The following KLHL21 variants were observed in gnomAD, a reference collection of about 807,000 sequenced individuals.
KLHL21 encodes kelch-like protein 21.
A neutral mutation model predicts 44.1 loss-of-function variants in KLHL21; 42 were observed. That is an observed-to-expected ratio of 0.95 (90% CI 0.74 to 1.23). KLHL21 has a LOEUF of 1.23. KLHL21 is among the 50% of genes most tolerant of loss of function. The pLI, the probability that KLHL21 is intolerant of heterozygous loss-of-function variation, is 0.00. For missense variants in KLHL21, 918 were observed against 889.1 expected, an observed-to-expected ratio of 1.03 and a Z score of -0.41; for synonymous variants, 524 against 411.6, an observed-to-expected ratio of 1.27 and a Z score of -3.31.
intron 2 of KLHL21, among the ~76,000 whole-genome samples, 155 bp downstream of exon 2, chr1:6,598,892 A>C (rs1448154470): frequency 6.6e-6 from 1 of 152,240 alleles, no homozygotes; most frequent in Admixed American, 6.5e-5. Flanking sequence ...CAAAAACAAA[A>C]CAAAACAAAA....
chr1:6,602,251 C>T lies in KLHL21; in HGVS notation c.567G>A (p.Gly189=). 1 of 1,545,942 alleles carries T rather than the reference C, an allele frequency of 6.5e-7. No homozygotes were observed. Among genetic ancestry groups the T allele is most frequent in the South Asian group, 1.2e-5 (1 of 84,886 alleles). The change falls in exon 1 of 4, where the codon GGG becomes GGA. Residue 189 remains glycine, a synonymous_variant. Transcript: ENST00000377658. ...CGGCCTCCTCCTTGGGCACACACAGCCCGTCGTCCCGCAGGTAGCGCAGCA... is the reference window on the plus strand; with the variant it reads ...CGGCCTCCTCCTTGGGCACACACAGTCCGTCGTCCCGCAGGTAGCGCAGCA... ...ARLLRYLRDD[G]LCVPKEEAAY...
Position 6,593,548 on chromosome 1 carries a change from A to C in KLHL21, c.1611T>G (p.Thr537=), listed in dbSNP as rs1212114894. Residue 537 remains threonine (T), a synonymous_variant, in exon 4 of 4, where the codon ACT becomes ACG. Coordinates refer to ENST00000377658, the MANE Select transcript of KLHL21 (RefSeq NM_014851.4). ...GCCGCCCCACCACGCTCCACGCGCG[A>C]GTCTCTGGGTCATAGGCCTCTACCA... is the stretch of plus-strand genomic sequence containing the variant. ...SDVVEAYDPE[T]RAWSVVGRLP... The C allele has an allele frequency of 6.2e-7, 1 of 1,613,948 alleles. No homozygotes were observed. The highest frequency in any genetic ancestry group is 1.1e-5 in the South Asian group (1 of 91,088).
Position 6,590,908 on chromosome 1 carries a change from C to T in KLHL21, c.*2457G>A, listed in dbSNP as rs187930689. On this transcript the variant is annotated 3_prime_UTR_variant, in exon 4 of 4. Transcript: ENST00000377658. ...TTTATTACATACGCGTCTCTGAAGT[C>T]ATATAAATATAGAATACCTTATAGT... 7.8e-5 allele frequency: 31 copies of T among 398,552 alleles called. No homozygotes were observed. In the East Asian group the frequency reaches 1.1e-3, roughly 14 times the overall value. 24.7% of individuals were successfully genotyped at this position (398,552 alleles called of 1,614,324 possible).
intron 2 of KLHL21, among the ~76,000 whole-genome samples, chr1:6,598,567 C>CT (rs1640960171): frequency 6.6e-6 from 1 of 151,272 alleles, no homozygotes; most frequent in Non-Finnish European, 1.5e-5. Flanking sequence ...CGAAACTCTT[C>CT]TTTTAAAAAA....
rs1640975716 is a variant in KLHL21, at chr1:6,599,238, C to T, written c.1236G>A (p.Met412Ile). ...GGCACGCAGTGGTGGAGCAGTTGTCCATGGGGTAGGTCATGGGCTGCAGGG... is the reference window on the plus strand; with the variant it reads ...GGCACGCAGTGGTGGAGCAGTTGTCTATGGGGTAGGTCATGGGCTGCAGGG... ...WEALQPMTYP[M>I]DNCSTTACRG... The change falls in exon 2 of 4, where the codon ATG becomes ATA. Residue 412 changes from methionine (M) to isoleucine (I), a missense_variant. Coordinates refer to ENST00000377658, the MANE Select transcript of KLHL21 (RefSeq NM_014851.4). The T allele has an allele frequency of 1.2e-6, 2 of 1,614,060 alleles. No individual in the cohort carries two copies. The highest frequency in any genetic ancestry group is 1.7e-6 in the Non-Finnish European group (2 of 1,180,012).
chr1:6,597,654 G>A (rs1640946296), intron 2 of KLHL21, among the ~76,000 whole-genome samples: 1 of 152,196 alleles, frequency 6.6e-6, no homozygotes, highest in South Asian at 2.1e-4. Flanking sequence ...CCTCCTGTCT[G>A]GGGGGATGGT....
chr1:6,593,804 C>T, intron 3 of KLHL21, 146 bp from the exon 4 acceptor site: 5 of 1,383,616 alleles, frequency 3.6e-6, no homozygotes, highest in Non-Finnish European at 4.7e-6. Context: ...GAGAGGCCAA[C>T]CCCTTTCCAA....
At position 6,599,331 on chromosome 1, in the gene KLHL21, G is replaced by A. The variant is rs2232462; in HGVS notation, c.1143C>T (p.Asp381=). 9.2e-5 allele frequency: 149 copies of A among 1,613,808 alleles called. No homozygotes were observed. Among genetic ancestry groups the A allele is most frequent in the East Asian group, 3.3e-4 (15 of 44,888 alleles). The change falls in exon 2 of 4, where the codon GAC becomes GAT. Residue 381 remains aspartate, a synonymous_variant. Transcript: ENST00000377658. ...AREYHSSSVL[D]GLLYVVAADS... is the part of the protein sequence containing the mutation. ...CGGCGGCCACCACGTACAGCAGTCC[G>A]TCCAGCACAGAGGAGCTGTGGTACT...
rs1309863955 is a variant in KLHL21 at position 6,598,470 on chromosome 1, T to C, written c.1427+577A>G. 3.3e-5 allele frequency among the ~76,000 whole-genome samples: 5 copies of C among 152,010 alleles called. No homozygotes were observed. The East Asian group carries it at 5.8e-4, about 18-fold the overall frequency. On this transcript the variant is annotated intron_variant, in intron 2 of 3. Transcript: ENST00000377658. ...CTGTAATCCCAGCTACTTGGCAGGC[T>C]GAGGCAGGAGAATGGCTTGAACTTG...
At position 6,601,788 on chromosome 1, in the gene KLHL21, C is replaced by T. The variant is rs914220584; in HGVS notation, c.1021+9G>A. On this transcript the variant is annotated intron_variant, in intron 1 of 3. Transcript: ENST00000377658. ...CCCAGAGAGCCTGCCCAGCCCCTGG[C>T]CCACTCACCCGTCACGTAGATGTCA... 2 of 1,561,352 alleles carry T rather than the reference C, an allele frequency of 1.3e-6. No individual in the cohort carries two copies. Among genetic ancestry groups the T allele is most frequent in the South Asian group, 1.2e-5 (1 of 85,284 alleles).
At position 6,602,668 on chromosome 1, in the gene KLHL21, G is replaced by A; in HGVS notation, c.150C>T (p.His50=). Residue 50 remains histidine (H), a synonymous_variant, in exon 1 of 4, where the codon CAC becomes CAT. Coordinates refer to ENST00000377658, the MANE Select transcript of KLHL21 (RefSeq NM_014851.4). ...EAAGGRDFPA[H]RAVLAAASPY... is the part of the protein sequence containing the mutation. Reference sequence around the variant, plus strand: ...GGCTGGCGGCGGCCAGCACCGCACGGTGCGCCGGGAAGTCGCGCCCGCCCG... The same window carrying A: ...GGCTGGCGGCGGCCAGCACCGCACGATGCGCCGGGAAGTCGCGCCCGCCCG... 3 of 1,511,930 alleles carry A rather than the reference G, an allele frequency of 2.0e-6. No homozygotes were observed. The highest frequency in any genetic ancestry group is 2.6e-6 in the Non-Finnish European group (3 of 1,137,764). The allele number at this position is 1,511,930 out of a possible 1,614,324, so 93.7% of individuals were successfully genotyped here.
In KLHL21 at chr1:6,602,677, G is replaced by T. The variant is rs754213607; in HGVS notation, c.141C>A (p.Phe47Leu). Residue 47 changes from phenylalanine (F) to leucine (L), a missense_variant, in exon 1 of 4, where the codon TTC becomes TTA. Coordinates refer to ENST00000377658, the MANE Select transcript of KLHL21 (RefSeq NM_014851.4). ...VTLEAAGGRD[F>L]PAHRAVLAAA... ...CGGCCAGCACCGCACGGTGCGCCGGGAAGTCGCGCCCGCCCGCCGCCTCCA... is the reference window on the plus strand; with the variant it reads ...CGGCCAGCACCGCACGGTGCGCCGGTAAGTCGCGCCCGCCCGCCGCCTCCA... 1.3e-6 allele frequency: 2 copies of T among 1,512,054 alleles called. No individual in the cohort carries two copies. Among genetic ancestry groups the T allele is most frequent in the Middle Eastern group, 1.9e-4 (1 of 5,276 alleles). The allele number at this position is 1,512,054 out of a possible 1,614,324, so 93.7% of individuals were successfully genotyped here. A position where few individuals can be genotyped will look rare whatever the true frequency, so the allele number is the denominator to read the frequency against.
chr1:6,593,712 C>A (rs1640887023), intron 3 of KLHL21, 54 bp from the exon 4 acceptor site: 6 of 1,503,348 alleles, frequency 4.0e-6, no homozygotes, highest in Non-Finnish European at 8.9e-7. Flanking sequence ...TAGGGCAGGG[C>A]CCCACCTGGG....
chr1:6,593,082 G>A lies in KLHL21; in HGVS notation c.*283C>T, dbSNP rs1640874543. The stretch of plus-strand genomic sequence containing the variant: ...CAGGAGGGGTGTGCGCCGCGTGGGT[G>A]AGCTGTGATCCGCGGGGTGGGGGTG... On this transcript the variant is annotated 3_prime_UTR_variant, in exon 4 of 4. Transcript: ENST00000377658. The A allele has an allele frequency of 2.2e-6, 1 of 458,218 alleles. No individual in the cohort carries two copies. Among genetic ancestry groups the A allele is most frequent in the Non-Finnish European group, 3.9e-6 (1 of 253,496 alleles). 28.4% of individuals were successfully genotyped at this position (458,218 alleles called of 1,614,324 possible).
rs777335079 is a variant in KLHL21 at position 6,599,286 on chromosome 1, G to A, written c.1188C>T (p.Asp396=). 8 of 1,614,040 alleles carry A rather than the reference G, an allele frequency of 5.0e-6. No individual in the cohort carries two copies. The Admixed American group carries it at 1.2e-4, about 24-fold the overall frequency. Residue 396 remains aspartate (D), a synonymous_variant, in exon 2 of 4, where the codon GAC becomes GAT. Transcript: ENST00000377658. The part of the protein sequence containing the change: ...VVAADSTERY[D]HTTDSWEALQ... ...GGGCCTCCCAGGAGTCAGTGGTGTGGTCATAGCGCTCGGTGCTGTCGGCGG... is the reference window on the plus strand; with the variant it reads ...GGGCCTCCCAGGAGTCAGTGGTGTGATCATAGCGCTCGGTGCTGTCGGCGG...
At chr1:6,595,243 C>T (rs1411203748) in intron 3 of KLHL21, 2 of 616,180 alleles carry the variant, frequency 3.2e-6, no homozygotes, top group East Asian at 2.8e-5. Flanking sequence ...CTCTCTGGCT[C>T]ACAGCAGATA....
Position 6,593,577 on chromosome 1 carries a change from C to G in KLHL21, c.1582G>C (p.Asp528His). The change falls in exon 4 of 4, where the codon GAC (aspartate) becomes CAC (histidine). Residue 528 changes from aspartate to histidine, a missense_variant. Asp to His is a moderately conservative substitution (Grantham distance 81). Transcript: ENST00000377658. The part of the protein sequence containing the change: ...GGYDNTFELS[D>H]VVEAYDPETR... ...TCTGGGTCATAGGCCTCTACCACGT[C>G]CGAGAGTTCAAATGTATTGTCGTAT... is the stretch of plus-strand genomic sequence containing the variant. 1 of 1,613,862 alleles carries G rather than the reference C, an allele frequency of 6.2e-7. No homozygotes were observed. Among genetic ancestry groups the G allele is most frequent in the Admixed American group, 1.7e-5 (1 of 60,004 alleles).
chr1:6,602,304 G>C lies in KLHL21; in HGVS notation c.514C>G (p.Gln172Glu). The C allele has an allele frequency of 6.4e-7, 1 of 1,555,428 alleles. No individual in the cohort carries two copies. The highest frequency in any genetic ancestry group is 8.6e-7 in the Non-Finnish European group (1 of 1,157,758). ...CGCGCCAGTGGCAGCCGCTCCAGCT[G>C]CTCGGCGCCCAGCTCGCCCACGTGG... is the stretch of plus-strand genomic sequence containing the variant. ...LRHVGELGAE[Q>E]LERLPLARLL... is the part of the protein sequence containing the mutation. Residue 172 changes from glutamine (Q) to glutamate (E), a missense_variant, in exon 1 of 4, where the codon CAG becomes GAG. Transcript: ENST00000377658.
intron 2 of KLHL21, among the ~76,000 whole-genome samples, chr1:6,596,571 G>A (rs1215851634): frequency 6.6e-6 from 1 of 152,226 alleles, no homozygotes; most frequent in Admixed American, 6.5e-5. Context: ...TCCATGGACA[G>A]ACATTTACAT....
Sources: gnomAD v4.1 joint callset for allele counts (sites outside exome capture counted in the v4.1 genomes callset) on GRCh38, gnomAD v4.1.1 for gene constraint, MANE v1.5 for transcripts, NCBI Gene and HGNC (gene_info 2026-07-23, HGNC 2026-07-21) for gene names.